MIPOL1: variants seen among roughly 807,000 people sequenced by gnomAD.
MIPOL1 encodes the protein mirror-image polydactyly 1, also known as mirror-image polydactyly gene 1 protein.
In MIPOL1, 57 loss-of-function variants were observed where a neutral mutation model predicts 60.9. That is an observed-to-expected ratio of 0.94 (90% confidence interval 0.76 to 1.17). MIPOL1 has a LOEUF of 1.17. Among genes scored for constraint, MIPOL1 ranks in the 50% most tolerant of loss-of-function variants. The pLI is 0.00. For missense variants in MIPOL1, 551 were observed against 511.6 expected (o/e 1.08, Z -0.74); for synonymous variants, 179 against 168.8 (o/e 1.06, Z -0.47).
At chr14:37,320,511 T>A (rs2088459580) in intron 9 of MIPOL1, among the ~76,000 whole-genome samples, 1 of 152,086 alleles carries the variant, frequency 6.6e-6, no homozygotes, top group East Asian at 1.9e-4. Flanking sequence ...TTTTTCTTAT[T>A]GATTTATGTA....
At chr14:37,532,147 T>C (rs114519891) in intron 12 of MIPOL1, among the ~76,000 whole-genome samples, 4,313 of 152,224 alleles carry the variant, frequency 0.028, 197 homozygotes, top group African/African-American at 0.096. Flanking sequence ...ATATATAGAT[T>C]TATATAAATT....
intron 12 of MIPOL1, among the ~76,000 whole-genome samples, chr14:37,525,065 C>A (rs545933270): frequency 6.6e-6 from 1 of 152,096 alleles, no homozygotes; most frequent in Non-Finnish European, 1.5e-5. Context: ...GAGAGTAGTT[C>A]GTGTCCTACC....
At chr14:37,518,577 C>T (rs1296044879) in intron 12 of MIPOL1, among the ~76,000 whole-genome samples, 4 of 152,066 alleles carry the variant, frequency 2.6e-5, no homozygotes, top group East Asian at 3.9e-4. Flanking sequence ...TCAAGTGTTC[C>T]GTTTACCTTG....
chr14:37,420,116 G>T (rs1195983821), intron 10 of MIPOL1, among the ~76,000 whole-genome samples: 1 of 151,388 alleles, frequency 6.6e-6, no homozygotes, highest in Non-Finnish European at 1.5e-5. Context: ...AAAGCAAGGT[G>T]TGTATAACAG....
intron 6 of MIPOL1, among the ~76,000 whole-genome samples, chr14:37,271,360 A>T (rs997880269): frequency 2.0e-5 from 3 of 152,098 alleles, no homozygotes; most frequent in African/African-American, 7.2e-5. Flanking sequence ...AAGCAATTGA[A>T]TTTTGTGATT....
intron 12 of MIPOL1, among the ~76,000 whole-genome samples, chr14:37,512,033 A>G (rs1439415624): frequency 6.6e-6 from 1 of 152,194 alleles, no homozygotes; most frequent in Non-Finnish European, 1.5e-5. Context: ...AGTTCTGCTC[A>G]TCTTAAATTT....
At chr14:37,353,540 C>G (rs987899096) in intron 9 of MIPOL1, among the ~76,000 whole-genome samples, 29 of 152,098 alleles carry the variant, frequency 1.9e-4, no homozygotes, top group African/African-American at 7.0e-4. Context: ...TGGTCCTGGA[C>G]TCTTTTTAGT....
At chr14:37,543,538 A>G (rs2095537567) in intron 12 of MIPOL1, among the ~76,000 whole-genome samples, 1 of 152,176 alleles carries the variant, frequency 6.6e-6, no homozygotes, top group Admixed American at 6.5e-5. Context: ...CGGCCTCCCA[A>G]AGTGATGGGA....
intron 9 of MIPOL1, among the ~76,000 whole-genome samples, chr14:37,342,839 C>T (rs1453407489): frequency 6.6e-6 from 1 of 151,888 alleles, no homozygotes; most frequent in Non-Finnish European, 1.5e-5. Flanking sequence ...TTTAAGTTCA[C>T]TCATTTTTCT....
chr14:37,277,371 A>G (rs2083746362), intron 6 of MIPOL1: 2 of 151,252 alleles, frequency 1.3e-5, no homozygotes. Context: ...TTTAAGTTAT[A>G]TTTCAAAAGA....
chr14:37,260,024 C>T (rs949409156), intron 3 of MIPOL1, among the ~76,000 whole-genome samples: 5 of 152,166 alleles, frequency 3.3e-5, no homozygotes, highest in Admixed American at 3.3e-4. Context: ...CAGCACCTGG[C>T]ACTGTGTTGG....
At chr14:37,295,030 A>G (rs994453288) in intron 7 of MIPOL1, among the ~76,000 whole-genome samples, 1 of 151,248 alleles carries the variant, frequency 6.6e-6, no homozygotes, top group South Asian at 2.1e-4. Context: ...AAATGAAGGA[A>G]AAAATGTTCA....
At chr14:37,493,296 G>A (rs1178684406) in intron 11 of MIPOL1, among the ~76,000 whole-genome samples, 1 of 152,160 alleles carries the variant, frequency 6.6e-6, no homozygotes, top group Non-Finnish European at 1.5e-5. Flanking sequence ...ACAAGTTGAA[G>A]AGAATATAAA....
chr14:37,542,378 T>C (rs2095533134), intron 12 of MIPOL1, among the ~76,000 whole-genome samples: 1 of 152,124 alleles, frequency 6.6e-6, no homozygotes, highest in African/African-American at 2.4e-5. Flanking sequence ...TCTCTAAACA[T>C]TTCCATCCCC....
chr14:37,524,905 T>C (rs544029848), intron 12 of MIPOL1, among the ~76,000 whole-genome samples: 1 of 152,030 alleles, frequency 6.6e-6, no homozygotes, highest in African/African-American at 2.4e-5. Context: ...AGTATAATCA[T>C]TAACATGAAA....
At chr14:37,228,597 T>G (rs537868984) in intron 1 of MIPOL1, among the ~76,000 whole-genome samples, 230 of 152,286 alleles carry the variant, frequency 1.5e-3, no homozygotes, top group African/African-American at 5.3e-3. Context: ...AAACTTTGTA[T>G]TGGGTTACCT....
intron 11 of MIPOL1, among the ~76,000 whole-genome samples, chr14:37,482,326 T>G (rs1029341781): frequency 6.6e-6 from 1 of 152,158 alleles, no homozygotes; most frequent in Non-Finnish European, 1.5e-5. Flanking sequence ...TGAAAAAATG[T>G]TTAATTGCTA....
At chr14:37,239,201 A>G (rs931318764) in intron 1 of MIPOL1, among the ~76,000 whole-genome samples, 2 of 151,814 alleles carry the variant, frequency 1.3e-5, no homozygotes, top group African/African-American at 2.4e-5. Flanking sequence ...GCCCACCACC[A>G]TGCCCAGCTA....
At chr14:37,442,082 A>G (rs1381601149) in intron 11 of MIPOL1, among the ~76,000 whole-genome samples, 1 of 125,884 alleles carries the variant, frequency 7.9e-6, no homozygotes, top group Non-Finnish European at 1.7e-5. Context: ...TTCTCTTTCT[A>G]CTTTGTTGTG....
Sources: allele counts gnomAD v4.1 joint callset (sites outside exome capture counted in the v4.1 genomes callset), GRCh38; gene constraint gnomAD v4.1.1; transcripts MANE v1.5; gene names NCBI Gene and HGNC (gene_info 2026-07-23, HGNC 2026-07-21).